The following KLHL32 variants were observed in gnomAD, a reference collection of about 807,000 sequenced individuals.
KLHL32 encodes the protein kelch like family member 32.
Under a neutral mutation model 64.8 loss-of-function variants are expected in KLHL32, and 35 were observed. The ratio of observed to expected loss-of-function variants is 0.54; its 90% CI spans 0.41 to 0.72. KLHL32 has a LOEUF of 0.72. Ranked by LOEUF, KLHL32 falls within the 30% of genes least tolerant of loss-of-function variation. KLHL32 has a pLI of 0.00. For missense variants in KLHL32, 589 were observed against 768.5 expected (o/e 0.77, Z 2.76); for synonymous variants, 259 against 281.0 (o/e 0.92, Z 0.78).
intron 4 of KLHL32, among the ~76,000 whole-genome samples, chr6:97,050,545 A>G (rs1786717500): frequency 6.6e-6 from 1 of 152,168 alleles, no homozygotes; most frequent in Admixed American, 6.5e-5. Flanking sequence ...ATGTAAGGCA[A>G]GCAGGAAAAT....
intron 9 of KLHL32, 102 bp downstream of exon 9, chr6:97,131,051 G>A: frequency 1.0e-6 from 1 of 960,974 alleles, no homozygotes; most frequent in Non-Finnish European, 1.6e-6. Context: ...TAAGTGCATA[G>A]TTGTAGAAGA....
intron 2 of KLHL32, among the ~76,000 whole-genome samples, chr6:96,971,852 A>C (rs1235885575): frequency 1.3e-5 from 2 of 152,098 alleles, no homozygotes; most frequent in Non-Finnish European, 2.9e-5. Context: ...GGTAAAAAAA[A>C]ATTTTTTTTC....
At chr6:97,006,520 A>G (rs1047895055) in intron 3 of KLHL32, among the ~76,000 whole-genome samples, 1 of 152,246 alleles carries the variant, frequency 6.6e-6, no homozygotes, top group African/African-American at 2.4e-5. Flanking sequence ...TAAGGTTAAT[A>G]TTGATATGTG....
intron 3 of KLHL32, among the ~76,000 whole-genome samples, chr6:96,978,534 C>CACAA (rs1303489743): frequency 1.3e-5 from 2 of 152,104 alleles, no homozygotes; most frequent in African/African-American, 4.8e-5. Flanking sequence ...TTTCTTTATC[C>CACAA]TGTCTACCAC....
In KLHL32 at chr6:97,113,559, A is replaced by AT. The variant is rs752720400; in HGVS notation, c.628-222dup. Among the ~76,000 whole-genome samples, 87 of 152,162 alleles carry AT rather than the reference A, an allele frequency of 5.7e-4. 1 individual carries two copies. The highest frequency in any genetic ancestry group is 9.4e-4 in the Non-Finnish European group (64 of 68,002). On this transcript the variant is annotated intron_variant, in intron 6 of 10. Transcript: ENST00000369261. Reference sequence around the variant, plus strand: ...GAAGCCCCCATCAGTGTTGCTTCACATTGTTTCTTACCCCTACAGCAATGT... The same window carrying AT: ...GAAGCCCCCATCAGTGTTGCTTCACATTTGTTTCTTACCCCTACAGCAATGT...
intron 1 of KLHL32, among the ~76,000 whole-genome samples, chr6:96,960,509 A>C (rs577221852): frequency 1.3e-5 from 2 of 152,224 alleles, no homozygotes; most frequent in Non-Finnish European, 2.9e-5. Flanking sequence ...TCTCTTTAAA[A>C]ATTATAAGGT....
At chr6:96,977,617 C>T (rs1203539488) in intron 3 of KLHL32, among the ~76,000 whole-genome samples, 1 of 152,084 alleles carries the variant, frequency 6.6e-6, no homozygotes, top group Non-Finnish European at 1.5e-5. Context: ...GTTACAGACA[C>T]CAACTTAGGC....
At chr6:96,954,759 A>G (rs1562188919) in intron 1 of KLHL32, among the ~76,000 whole-genome samples, 2 of 152,166 alleles carry the variant, frequency 1.3e-5, no homozygotes, top group Admixed American at 6.5e-5. Context: ...CCATTCTGTC[A>G]CTGGGATGAG....
intron 3 of KLHL32, among the ~76,000 whole-genome samples, chr6:97,019,087 A>T (rs563731022): frequency 1.3e-5 from 2 of 152,368 alleles, no homozygotes; most frequent in African/African-American, 4.8e-5. Flanking sequence ...CAAAATTGAT[A>T]ATCTAGCCTC....
chr6:96,903,627 C>T, the KLHL32 span, among the ~76,000 whole-genome samples: 1 of 152,152 alleles, frequency 6.6e-6, no homozygotes, highest in African/African-American at 2.4e-5. Context: ...AATCCCACCA[C>T]CATAAGGAAC....
intron 1 of KLHL32, among the ~76,000 whole-genome samples, chr6:96,943,243 T>G (rs1350556113): frequency 1.3e-5 from 2 of 152,150 alleles, no homozygotes; most frequent in Non-Finnish European, 2.9e-5. Flanking sequence ...GCCATTATTC[T>G]TTTCCTCAAA....
At chr6:96,988,076 T>A (rs956287574) in intron 3 of KLHL32, among the ~76,000 whole-genome samples, 2 of 152,112 alleles carry the variant, frequency 1.3e-5, no homozygotes, top group African/African-American at 4.8e-5. Context: ...CCAAAAGCAA[T>A]GGCAACAAAA....
intron 5 of KLHL32, among the ~76,000 whole-genome samples, chr6:97,082,535 C>T (rs1792711419): frequency 1.3e-5 from 2 of 151,862 alleles, no homozygotes; most frequent in Non-Finnish European, 2.9e-5. Context: ...ATGGCATGAA[C>T]CCGGGAGGCG....
At chr6:96,946,767 T>C (rs1771967492) in intron 1 of KLHL32, among the ~76,000 whole-genome samples, 2 of 152,206 alleles carry the variant, frequency 1.3e-5, no homozygotes, top group Non-Finnish European at 2.9e-5. Context: ...ACAGCTCTTA[T>C]ATTCCCATCT....
intron 7 of KLHL32, among the ~76,000 whole-genome samples, chr6:97,115,409 G>A (rs1797709357): frequency 6.6e-6 from 1 of 152,176 alleles, no homozygotes; most frequent in Admixed American, 6.6e-5. Flanking sequence ...TATTTTTACT[G>A]ATGGTACAGT....
At chr6:96,949,062 A>T (rs993997551) in intron 1 of KLHL32, among the ~76,000 whole-genome samples, 1 of 152,272 alleles carries the variant, frequency 6.6e-6, no homozygotes, top group South Asian at 2.1e-4. Context: ...ACACCTGTTG[A>T]CTCAATCACA....
intron 3 of KLHL32, among the ~76,000 whole-genome samples, chr6:97,011,941 C>A: frequency 6.6e-6 from 1 of 152,168 alleles, no homozygotes; most frequent in East Asian, 1.9e-4. Context: ...TTAATCCCCC[C>A]AATAATCCTT....
intron 1 of KLHL32, among the ~76,000 whole-genome samples, chr6:96,935,158 T>C (rs1184112144): frequency 2.0e-5 from 3 of 152,180 alleles, no homozygotes; most frequent in African/African-American, 7.2e-5. Context: ...TTTAAGAGAA[T>C]TCATTTTGTG....
intron 3 of KLHL32, among the ~76,000 whole-genome samples, chr6:96,991,699 G>T (rs940962152): frequency 5.9e-5 from 9 of 152,158 alleles, no homozygotes; most frequent in African/African-American, 1.9e-4. Flanking sequence ...CCAAGCCGGA[G>T]AGCCACAGGA....
Sources: allele counts gnomAD v4.1 joint callset (sites outside exome capture counted in the v4.1 genomes callset), GRCh38; gene constraint gnomAD v4.1.1; transcripts MANE v1.5; gene names NCBI Gene and HGNC (gene_info 2026-07-23, HGNC 2026-07-21).